Variants in EFHC2 observed in about 807,000 individuals in gnomAD.
The protein encoded by EFHC2 is EF-hand domain containing 2, also known as EF-hand domain-containing family member C2.
EFHC2 carries 18 observed loss-of-function variants against 52.7 expected under a neutral mutation model. The observed-to-expected ratio is 0.34, with a 90% CI of 0.24 to 0.51. The LOEUF (loss-of-function observed/expected upper bound fraction) is 0.51. Among genes scored for constraint, EFHC2 ranks in the 20% least tolerant of loss-of-function variants. The pLI is 0.97. For synonymous variants in EFHC2, 203 were observed against 204.1 expected, an observed-to-expected ratio of 0.99 and a Z score of 0.04; for missense variants, 513 against 562.5, an observed-to-expected ratio of 0.91 and a Z score of 0.89.
At chrX:44,206,532 G>A (rs1255171985) in intron 11 of EFHC2, among the ~76,000 whole-genome samples, 1 of 111,944 alleles carries the variant, frequency 8.9e-6, no homozygotes, top group African/African-American at 3.2e-5. Context: ...CAAAATCACT[G>A]CACAAATATT....
chrX:44,221,300 T>C (rs1462513115), intron 11 of EFHC2, among the ~76,000 whole-genome samples: 4 of 111,630 alleles, frequency 3.6e-5, no homozygotes, highest in Non-Finnish European at 7.5e-5. Flanking sequence ...ATATAATCTT[T>C]CCTTTATGGC....
At chrX:44,155,534 C>T (rs1464395372) in intron 14 of EFHC2, among the ~76,000 whole-genome samples, 1 of 112,160 alleles carries the variant, frequency 8.9e-6, no homozygotes, top group Non-Finnish European at 1.9e-5. Context: ...GGGAAAAGAT[C>T]GGGAGCCAAT....
intron 1 of EFHC2, among the ~76,000 whole-genome samples, chrX:44,322,450 C>A (rs748619503): frequency 3.0e-4 from 33 of 111,739 alleles, no homozygotes; most frequent in Non-Finnish European, 4.7e-4. Flanking sequence ...GGCTTAGACC[C>A]CCTTAAATCT....
At chrX:44,277,646 C>T (rs1248412978) in intron 2 of EFHC2, among the ~76,000 whole-genome samples, 1 of 111,001 alleles carries the variant, frequency 9.0e-6, no homozygotes, top group Non-Finnish European at 1.9e-5. Context: ...AGGATGGCTC[C>T]TTTATACATG....
At chrX:44,214,125 A>T (rs750840925) in intron 11 of EFHC2, among the ~76,000 whole-genome samples, 1 of 111,947 alleles carries the variant, frequency 8.9e-6, no homozygotes, top group East Asian at 2.8e-4. Flanking sequence ...GGTAATGGGA[A>T]TACTAGAAGG....
chrX:44,331,837 T>C (rs1317403580), intron 1 of EFHC2, among the ~76,000 whole-genome samples: 2 of 110,363 alleles, frequency 1.8e-5, no homozygotes, highest in Admixed American at 9.7e-5. Flanking sequence ...GGTGGGAGGA[T>C]CGATTAATCC....
intron 13 of EFHC2, 105 bp from the exon 14 acceptor site, chrX:44,164,132 A>C: frequency 2.3e-6 from 1 of 425,686 alleles, no homozygotes; most frequent in Non-Finnish European, 3.8e-6. Context: ...ATATGCTTCA[A>C]TATCTGATAG....
intron 2 of EFHC2, chrX:44,309,752 T>A: frequency 1.0e-6 from 1 of 975,585 alleles, no homozygotes; most frequent in African/African-American, 1.9e-5. Flanking sequence ...AGCCAGAATA[T>A]CGATGCAAAA....
chrX:44,321,958 T>C (rs1298363953), intron 1 of EFHC2, among the ~76,000 whole-genome samples: 1 of 112,091 alleles, frequency 8.9e-6, no homozygotes, highest in Non-Finnish European at 1.9e-5. Context: ...AAGTCTTCTC[T>C]GACTGCCAGA....
At chrX:44,208,604 T>C (rs765302917) in intron 11 of EFHC2, among the ~76,000 whole-genome samples, 4 of 111,473 alleles carry the variant, frequency 3.6e-5, no homozygotes, top group African/African-American at 6.5e-5. Flanking sequence ...AAAATACACA[T>C]GTAACAAACC....
At chrX:44,157,456 C>T (rs1285268463) in intron 14 of EFHC2, among the ~76,000 whole-genome samples, 1 of 111,168 alleles carries the variant, frequency 9.0e-6, no homozygotes, top group Non-Finnish European at 1.9e-5. Context: ...CTGTGGATTG[C>T]ATCACTCCTC....
chrX:44,201,746 T>G (rs2037007727), intron 11 of EFHC2, among the ~76,000 whole-genome samples: 1 of 112,044 alleles, frequency 8.9e-6, no homozygotes, highest in Admixed American at 9.4e-5. Context: ...AATACCTACA[T>G]TTTACAAGCT....
intron 1 of EFHC2, among the ~76,000 whole-genome samples, chrX:44,324,356 G>A (rs1294408588): frequency 9.0e-6 from 1 of 111,257 alleles, no homozygotes; most frequent in Non-Finnish European, 1.9e-5. Context: ...AAAAACCTCT[G>A]TCTCAAAATT....
intron 11 of EFHC2, among the ~76,000 whole-genome samples, chrX:44,208,315 G>C (rs888616150): frequency 1.8e-5 from 2 of 112,168 alleles, no homozygotes; most frequent in Admixed American, 9.5e-5. Flanking sequence ...ATAAATAAAA[G>C]AGTGAAATCA....
chrX:44,268,933 T>A (rs1452485080), intron 3 of EFHC2, among the ~76,000 whole-genome samples: 2 of 111,573 alleles, frequency 1.8e-5, no homozygotes, highest in African/African-American at 3.3e-5. Context: ...AGATTTACCA[T>A]TAGGCCAAAT....
chrX:44,276,778 G>C (rs921541463), intron 2 of EFHC2, among the ~76,000 whole-genome samples: 1 of 112,507 alleles, frequency 8.9e-6, no homozygotes, highest in Non-Finnish European at 1.9e-5. Context: ...GTCTGATGCA[G>C]TATGACACAA....
At chrX:44,257,502 C>T (rs2037500853) in intron 4 of EFHC2, among the ~76,000 whole-genome samples, 1 of 111,710 alleles carries the variant, frequency 9.0e-6, no homozygotes. Flanking sequence ...CAATAATAGA[C>T]AGACAGCCAA....
At chrX:44,207,775 CAG>C (rs2037059784) in intron 11 of EFHC2, among the ~76,000 whole-genome samples, 1 of 110,234 alleles carries the variant, frequency 9.1e-6, no homozygotes. Flanking sequence ...GACTAATATA[CAG>C]AATCTAAACT....
intron 11 of EFHC2, among the ~76,000 whole-genome samples, chrX:44,226,723 A>G (rs940296335): frequency 3.7e-5 from 4 of 109,122 alleles, no homozygotes; most frequent in Non-Finnish European, 5.7e-5. Flanking sequence ...GGAGGGGAAC[A>G]TCATACACCG....
Sources: gnomAD v4.1 joint callset for allele counts (sites outside exome capture counted in the v4.1 genomes callset) on GRCh38, gnomAD v4.1.1 for gene constraint, MANE v1.5 for transcripts, NCBI Gene and HGNC (gene_info 2026-07-23, HGNC 2026-07-21) for gene names.